Variants in CSMD1 observed in about 807,000 individuals in gnomAD.
CSMD1 encodes the protein CUB and sushi domain-containing protein 1.
A neutral mutation model predicts 417.5 loss-of-function variants in CSMD1; 213 were observed. That is an observed-to-expected ratio of 0.51 (90% CI 0.46 to 0.57). The LOEUF (loss-of-function observed/expected upper bound fraction) is 0.57. CSMD1 is among the 20% of genes least tolerant of loss of function. The probability of loss-of-function intolerance (pLI) is 0.00; values close to 1 mark genes in which losing one functional copy is unlikely to be tolerated. For synonymous variants in CSMD1, 2,862 were observed against 1,736.8 expected, an observed-to-expected ratio of 1.65 and a Z score of -16.11; for missense variants, 6,923 against 4,529.7, an observed-to-expected ratio of 1.53 and a Z score of -15.17.
intron 2 of CSMD1, among the ~76,000 whole-genome samples, chr8:4,508,584 A>G (rs1477393431): frequency 1.3e-5 from 2 of 152,162 alleles, no homozygotes; most frequent in Non-Finnish European, 2.9e-5. Context: ...AGAATATGCC[A>G]TATTTTCTTT....
chr8:4,528,645 G>C (rs1456691232), intron 2 of CSMD1, among the ~76,000 whole-genome samples: 3 of 152,174 alleles, frequency 2.0e-5, no homozygotes, highest in Non-Finnish European at 4.4e-5. Context: ...TTATGGCATA[G>C]ATTGCAGCAA....
intron 46 of CSMD1, among the ~76,000 whole-genome samples, chr8:3,099,607 G>A (rs1815586420): frequency 6.6e-6 from 1 of 152,168 alleles, no homozygotes; most frequent in African/African-American, 2.4e-5. Context: ...ATAGTTATCA[G>A]TTGACATTGG....
intron 1 of CSMD1, among the ~76,000 whole-genome samples, chr8:4,748,049 A>G (rs1305825557): frequency 2.0e-5 from 3 of 152,224 alleles, no homozygotes; most frequent in Admixed American, 6.5e-5. Flanking sequence ...AGAAATAAAA[A>G]CAGGGCACTC....
intron 3 of CSMD1, among the ~76,000 whole-genome samples, chr8:4,410,308 C>G (rs1028527185): frequency 1.2e-4 from 19 of 152,152 alleles, no homozygotes; most frequent in African/African-American, 4.6e-4. Flanking sequence ...GTAATGAGCG[C>G]TTAGTCACCA....
intron 1 of CSMD1, among the ~76,000 whole-genome samples, chr8:4,879,598 G>A (rs1803268340): frequency 6.6e-6 from 1 of 151,962 alleles, no homozygotes; most frequent in African/African-American, 2.4e-5. Context: ...AAGAAAATAA[G>A]GAGACTGTAG....
At chr8:3,237,999 C>A (rs557943393) in intron 26 of CSMD1, among the ~76,000 whole-genome samples, 3 of 150,878 alleles carry the variant, frequency 2.0e-5, no homozygotes, top group Non-Finnish European at 2.9e-5. Flanking sequence ...ATTTCACTCG[C>A]GTCCGTGTGA....
chr8:4,161,400 T>C (rs1797153792), intron 3 of CSMD1, among the ~76,000 whole-genome samples: 2 of 152,322 alleles, frequency 1.3e-5, no homozygotes, highest in African/African-American at 4.8e-5. Flanking sequence ...ATCTTAGAGG[T>C]AAACTTGTCA....
intron 1 of CSMD1, among the ~76,000 whole-genome samples, chr8:4,946,080 T>A (rs776812860): frequency 7.9e-5 from 12 of 152,094 alleles, no homozygotes; most frequent in Non-Finnish European, 4.4e-5. Context: ...GCAACGAAAG[T>A]CCACTTGCAC....
At chr8:3,947,367 C>G (rs556276004) in intron 5 of CSMD1, among the ~76,000 whole-genome samples, 1 of 152,270 alleles carries the variant, frequency 6.6e-6, no homozygotes, top group South Asian at 2.1e-4. Flanking sequence ...TCTCGTATTC[C>G]TGAAAGTGAC....
intron 26 of CSMD1, among the ~76,000 whole-genome samples, chr8:3,265,875 C>A (rs1292355540): frequency 6.6e-6 from 1 of 151,912 alleles, no homozygotes; most frequent in Non-Finnish European, 1.5e-5. Context: ...GAAAAGCGGA[C>A]TGAGATCAGC....
chr8:3,238,603 T>C (rs550331579), intron 26 of CSMD1, among the ~76,000 whole-genome samples: 1 of 151,890 alleles, frequency 6.6e-6, no homozygotes, highest in East Asian at 2.0e-4. Flanking sequence ...AGGGGTGATA[T>C]TGTGGGGTTG....
Position 4,420,017 on chromosome 8 carries a change from G to C in CSMD1, c.351C>G (p.Ile117Met), listed in dbSNP as rs369727382. 35 of 1,585,228 alleles carry C rather than the reference G, an allele frequency of 2.2e-5. No homozygotes were observed. The highest frequency in any genetic ancestry group is 2.7e-5 in the Non-Finnish European group (32 of 1,164,648). ...AGTCTGTCGTGAACCACAGAGTGAG[G>C]ATAGATCCTGTACTCACTATAGAGG... ...LPSSIVSTGS[I>M]LTLWFTTDFA... Residue 117 changes from isoleucine (I) to methionine (M), a missense_variant, in exon 3 of 70, where the codon ATC becomes ATG. Ile to Met is a conservative substitution (Grantham distance 10, BLOSUM62 1). Transcript: ENST00000635120.
chr8:3,491,139 G>A (rs1473533567), intron 11 of CSMD1, among the ~76,000 whole-genome samples: 1 of 152,134 alleles, frequency 6.6e-6, no homozygotes, highest in Non-Finnish European at 1.5e-5. Context: ...AAAGAATGCG[G>A]TGAGAGCGTG....
chr8:3,243,454 A>G (rs564338104), intron 26 of CSMD1, among the ~76,000 whole-genome samples: 1 of 138,512 alleles, frequency 7.2e-6, no homozygotes, highest in Non-Finnish European at 1.5e-5. Context: ...GGTAAAGGAA[A>G]ATTACAGTCA....
At chr8:3,614,041 T>C (rs1196396382) in intron 8 of CSMD1, among the ~76,000 whole-genome samples, 1 of 151,904 alleles carries the variant, frequency 6.6e-6, no homozygotes, top group African/African-American at 2.4e-5. Flanking sequence ...AAAAAGCTAC[T>C]ATATAACTAG....
chr8:4,738,223 C>T (rs772042985), intron 1 of CSMD1, among the ~76,000 whole-genome samples: 1 of 152,168 alleles, frequency 6.6e-6, no homozygotes, highest in Admixed American at 6.5e-5. Context: ...AATGTCCCTA[C>T]AGTCAAATAT....
chr8:3,292,262 T>C (rs545420869), intron 25 of CSMD1, among the ~76,000 whole-genome samples: 115 of 152,324 alleles, frequency 7.5e-4, no homozygotes, highest in African/African-American at 2.5e-3. Flanking sequence ...TGGTCAGTTT[T>C]GGAGTAGGTG....
At chr8:3,455,159 C>T (rs190071993) in intron 12 of CSMD1, among the ~76,000 whole-genome samples, 2 of 152,142 alleles carry the variant, frequency 1.3e-5, no homozygotes, top group Non-Finnish European at 2.9e-5. Context: ...GTTTTCAGTT[C>T]CATTAGGTCC....
chr8:4,835,086 T>A (rs1800396422), intron 1 of CSMD1, among the ~76,000 whole-genome samples: 1 of 150,650 alleles, frequency 6.6e-6, no homozygotes, highest in African/African-American at 2.4e-5. Context: ...TTCACTGCCC[T>A]ATAGATATTA....
Sources: gnomAD v4.1 joint callset for allele counts (sites outside exome capture counted in the v4.1 genomes callset) on GRCh38, gnomAD v4.1.1 for gene constraint, MANE v1.5 for transcripts, NCBI Gene and HGNC (gene_info 2026-07-23, HGNC 2026-07-21) for gene names.